Variants in EPHB2 observed in about 807,000 individuals in gnomAD.
EPHB2 encodes ephrin type-B receptor 2.
EPHB2 carries 18 observed loss-of-function variants against 96.4 expected under a neutral mutation model. The observed-to-expected ratio is 0.19, with a 90% CI of 0.13 to 0.28. The LOEUF (loss-of-function observed/expected upper bound fraction) is 0.28. Ranked by LOEUF, EPHB2 falls within the 10% of genes least tolerant of loss-of-function variation. The pLI is 1.00. For missense variants in EPHB2, 989 were observed against 1,355.4 expected (o/e 0.73, Z 4.25); for synonymous variants, 506 against 534.1 (o/e 0.95, Z 0.72).
At chr1:22,864,742 TG>T in intron 4 of EPHB2, 134 bp from the exon 5 acceptor site, 1 of 615,120 alleles carries the variant, frequency 1.6e-6, no homozygotes, top group Non-Finnish European at 2.9e-6. Flanking sequence ...AACATTTCTC[TG>T]GTGGGGAGAC....
At position 22,913,232 on chromosome 1, in the gene EPHB2, T is replaced by C; in HGVS notation, c.2853-230T>C. ...ATGTAAGCTGGCTTCCCCCTCCCAA[T>C]AGCAGGGGAGAGAAGGCCCCCTAGG... On this transcript the variant is annotated intron_variant, in intron 15 of 15. Coordinates refer to ENST00000374630, the MANE Select transcript of EPHB2 (RefSeq NM_017449.5). The surrounding 1 kb of genome is among the most constrained non-coding windows in gnomAD (Gnocchi z 4.1). The C allele has an allele frequency of 1.7e-6, 1 of 597,188 alleles. No individual in the cohort carries two copies. Among genetic ancestry groups the C allele is most frequent in the Non-Finnish European group, 3.0e-6 (1 of 334,672 alleles). 37.0% of individuals were successfully genotyped at this position (597,188 alleles called of 1,614,324 possible).
intron 1 of EPHB2, among the ~76,000 whole-genome samples, chr1:22,724,118 G>A (rs577672089): frequency 1.3e-5 from 2 of 152,274 alleles, no homozygotes; most frequent in East Asian, 1.9e-4. Context: ...ATACAGAGAG[G>A]TTGAAAGCAG....
intron 1 of EPHB2, among the ~76,000 whole-genome samples, chr1:22,770,657 TACCTGGTTCAGC>T (rs1344989004): frequency 6.6e-6 from 1 of 152,188 alleles, no homozygotes; most frequent in Non-Finnish European, 1.5e-5. Flanking sequence ...ATTAAAAGAG[TACCTGGTTCAGC>T]TCCTGGATCT....
intron 3 of EPHB2, among the ~76,000 whole-genome samples, chr1:22,837,756 TGA>T (rs1263630981): frequency 6.6e-6 from 1 of 152,140 alleles, no homozygotes; most frequent in Non-Finnish European, 1.5e-5. Flanking sequence ...ACCGGCAGCC[TGA>T]GAGGGGCTGG....
chr1:22,818,833 C>T (rs1189827566), intron 3 of EPHB2, among the ~76,000 whole-genome samples: 1 of 152,166 alleles, frequency 6.6e-6, no homozygotes, highest in African/African-American at 2.4e-5. Flanking sequence ...AGTTGACCAT[C>T]CCCTGAGCTC....
intron 11 of EPHB2, 108 bp from the exon 12 acceptor site, chr1:22,907,845 C>T: frequency 7.1e-7 from 1 of 1,409,360 alleles, no homozygotes; most frequent in South Asian, 1.2e-5. Flanking sequence ...CAGGGGAGCC[C>T]AGAGCCAGGC....
intron 6 of EPHB2, among the ~76,000 whole-genome samples, chr1:22,884,539 G>C (rs1172916004): frequency 6.8e-6 from 1 of 146,760 alleles, no homozygotes; most frequent in Non-Finnish European, 1.5e-5. Flanking sequence ...AGAATCACTT[G>C]AACCCAGGAG....
chr1:22,721,609 T>A (rs1322671738), intron 1 of EPHB2, among the ~76,000 whole-genome samples: 1 of 152,132 alleles, frequency 6.6e-6, no homozygotes, highest in Non-Finnish European at 1.5e-5. Context: ...TTTGCAAAGT[T>A]CTTTTTTTTC....
At chr1:22,780,197 A>C (rs990550384) in intron 1 of EPHB2, among the ~76,000 whole-genome samples, 1 of 152,236 alleles carries the variant, frequency 6.6e-6, no homozygotes, top group Admixed American at 6.5e-5. Flanking sequence ...CAGAGAGGCA[A>C]GGAAAGGGTA....
intron 1 of EPHB2, among the ~76,000 whole-genome samples, chr1:22,742,763 A>G (rs1304546498): frequency 2.7e-5 from 4 of 150,416 alleles, no homozygotes; most frequent in South Asian, 4.2e-4. Context: ...TCAGCCTCCC[A>G]AGGAAAGTCA....
chr1:22,839,963 A>G (rs1350586983), intron 3 of EPHB2, among the ~76,000 whole-genome samples: 1 of 152,200 alleles, frequency 6.6e-6, no homozygotes, highest in African/African-American at 2.4e-5. Context: ...GAGCCCGGAT[A>G]GGGCAGGGAC....
chr1:22,907,073 G>T, intron 11 of EPHB2, 116 bp downstream of exon 11: 1 of 1,371,832 alleles, frequency 7.3e-7, no homozygotes. Flanking sequence ...GGTCAGGAAT[G>T]GCTTGCAGGC....
At chr1:22,912,652 C>T (rs1272835166) in intron 15 of EPHB2, 53 bp downstream of exon 15, 2 of 1,607,520 alleles carry the variant, frequency 1.2e-6, no homozygotes, top group Non-Finnish European at 8.5e-7. Context: ...CTCCACCGGC[C>T]CCACCAGCCA....
intron 1 of EPHB2, among the ~76,000 whole-genome samples, chr1:22,755,862 T>C (rs528410117): frequency 6.6e-6 from 1 of 152,234 alleles, no homozygotes; most frequent in African/African-American, 2.4e-5. Context: ...GAAACTAACA[T>C]GTATTTAGTC....
intron 14 of EPHB2, among the ~76,000 whole-genome samples, chr1:22,911,143 A>T (rs867492888): frequency 3.4e-4 from 45 of 133,816 alleles, no homozygotes; most frequent in Admixed American, 1.8e-3. Flanking sequence ...TCCATCTAAA[A>T]AAATAAATAA....
At chr1:22,731,653 C>CA (rs1224177187) in intron 1 of EPHB2, among the ~76,000 whole-genome samples, 2 of 152,180 alleles carry the variant, frequency 1.3e-5, no homozygotes, top group East Asian at 3.8e-4. Context: ...GCCTGGCCAA[C>CA]AGCCTGTCAA....
At chr1:22,834,620 A>C (rs1645353037) in intron 3 of EPHB2, among the ~76,000 whole-genome samples, 1 of 151,668 alleles carries the variant, frequency 6.6e-6, no homozygotes, top group South Asian at 2.1e-4. Context: ...ATAAAACTTT[A>C]TTTTCAAAAA....
intron 3 of EPHB2, among the ~76,000 whole-genome samples, chr1:22,792,796 G>C (rs771676680): frequency 6.6e-6 from 1 of 152,212 alleles, no homozygotes; most frequent in Non-Finnish European, 1.5e-5. Flanking sequence ...CCAGCCTAGA[G>C]ATGGTGACAG....
chr1:22,883,072 G>A (rs367985911), intron 6 of EPHB2, among the ~76,000 whole-genome samples: 1 of 152,254 alleles, frequency 6.6e-6, no homozygotes, highest in African/African-American at 2.4e-5. Flanking sequence ...AGAAGCCGTA[G>A]GTTCAAATCC....
Sources: allele counts gnomAD v4.1 joint callset (sites outside exome capture counted in the v4.1 genomes callset), GRCh38; gene constraint gnomAD v4.1.1; non-coding constraint Gnocchi (gnomAD v3.1); transcripts MANE v1.5; gene names NCBI Gene and HGNC (gene_info 2026-07-23, HGNC 2026-07-21).